The following TEX15 variants were observed in gnomAD, a reference collection of about 807,000 sequenced individuals.
The protein encoded by TEX15 is testis expressed 15, meiosis and synapsis associated.
A neutral mutation model predicts 237.3 loss-of-function variants in TEX15; 171 were observed. The observed-to-expected ratio is 0.72, with a 90% CI of 0.64 to 0.82. The LOEUF (loss-of-function observed/expected upper bound fraction) is 0.82, where lower values mean the gene tolerates loss of function less well. Among genes scored for constraint, TEX15 ranks in the 40% least tolerant of loss-of-function variants. The pLI, the probability that TEX15 is intolerant of heterozygous loss-of-function variation, is 0.00. For synonymous variants in TEX15, 1,338 were observed against 1,269.8 expected (o/e 1.05, Z -1.14); for missense variants, 3,750 against 3,646.5 (o/e 1.03, Z -0.73).
intron 3 of TEX15, 128 bp downstream of exon 3, chr8:30,887,039 G>A (rs1040835365): frequency 2.6e-6 from 2 of 782,934 alleles, no homozygotes; most frequent in African/African-American, 1.8e-5. Flanking sequence ...GTACATGTAT[G>A]TTTAAGGAAT....
chr8:30,858,698 A>AT lies in TEX15; in HGVS notation c.819dup (p.Phe274IlefsTer8). ...CTCTTAGGAAATCCTGTTGAGAGGA[A>AT]TCTCAAAGATGTCATAAGGCGTCCA... On this transcript the variant is annotated frameshift_variant, in exon 7 of 11. Transcript: ENST00000643185. LOFTEE classifies it high-confidence loss of function. 1 of 1,535,468 alleles carries AT rather than the reference A, an allele frequency of 6.5e-7. No homozygotes were observed.
At chr8:30,836,755 G>T in intron 10 of TEX15, 48 bp downstream of exon 10, 1 of 1,474,396 alleles carries the variant, frequency 6.8e-7, no homozygotes. Context: ...AATGGACACA[G>T]TTAAAAGTAA....
chr8:30,891,573 G>A (rs1180541860), intron 2 of TEX15, among the ~76,000 whole-genome samples: 6 of 151,778 alleles, frequency 4.0e-5, no homozygotes, highest in Non-Finnish European at 7.4e-5. Context: ...TCTGTCTCCT[G>A]GGTTCAAGCG....
Position 30,887,278 on chromosome 8 carries a change from G to A in TEX15, c.25C>T (p.Gln9Ter), listed in dbSNP as rs943701718. MEMKETAKQDTLWQMSSTS... is the reference protein window; with the variant it reads MEMKETAK The stretch of plus-strand genomic sequence containing the variant: ...GAGCTCATTTGCCACAGTGTATCCT[G>A]TTTAGCAGTTTCTTTCATTTCCATT... Residue 9 changes from glutamine (Q) to a stop codon, truncating the protein, a stop_gained, in exon 3 of 11, where the codon CAG becomes TAG. Coordinates refer to ENST00000643185, the MANE Select transcript of TEX15 (RefSeq NM_001350162.2). LOFTEE classifies it high-confidence loss of function. The A allele has an allele frequency of 2.0e-6, 3 of 1,532,070 alleles. No homozygotes were observed. Among genetic ancestry groups the A allele is most frequent in the Non-Finnish European group, 2.6e-6 (3 of 1,145,608 alleles). 94.9% of individuals were successfully genotyped at this position (1,532,070 alleles called of 1,614,324 possible). A position where few individuals can be genotyped will look rare whatever the true frequency, so the allele number is the denominator to read the frequency against.
At chr8:30,873,972 G>A (rs1002629424) in intron 4 of TEX15, among the ~76,000 whole-genome samples, 5 of 152,100 alleles carry the variant, frequency 3.3e-5, no homozygotes, top group African/African-American at 1.2e-4. Flanking sequence ...TGTTTGAAAG[G>A]ACAAAAATTT....
At chr8:30,871,419 A>G (rs1808289133) in intron 4 of TEX15, among the ~76,000 whole-genome samples, 1 of 152,078 alleles carries the variant, frequency 6.6e-6, no homozygotes, top group Non-Finnish European at 1.5e-5. Flanking sequence ...CACAAGAAGA[A>G]AGCTGGTAGC....
At chr8:30,890,913 A>G (rs866598666) in intron 2 of TEX15, among the ~76,000 whole-genome samples, 1 of 152,162 alleles carries the variant, frequency 6.6e-6, no homozygotes, top group African/African-American at 2.4e-5. Context: ...ATATTTTCCC[A>G]CAAAGATAGT....
intron 7 of TEX15, among the ~76,000 whole-genome samples, chr8:30,856,607 C>T (rs1308250095): frequency 6.6e-6 from 1 of 152,036 alleles, no homozygotes; most frequent in Non-Finnish European, 1.5e-5. Flanking sequence ...GATGATTGCA[C>T]ATATTTGTGA....
intron 1 of TEX15, among the ~76,000 whole-genome samples, chr8:30,904,304 G>A (rs375616764): frequency 1.6e-4 from 25 of 152,050 alleles, no homozygotes; most frequent in Non-Finnish European, 3.2e-4. Flanking sequence ...AAAACTAGCC[G>A]GGTGTGGTGG....
Position 30,847,232 on chromosome 8 carries a change from C to T in TEX15, c.2935G>A (p.Val979Ile), listed in dbSNP as rs1189419209. 1.2e-6 allele frequency: 2 copies of T among 1,613,950 alleles called. No individual in the cohort carries two copies. Among genetic ancestry groups the T allele is most frequent in the Non-Finnish European group, 1.7e-6 (2 of 1,179,850 alleles). Residue 979 changes from valine to isoleucine, a missense_variant, in exon 8 of 11, where the codon GTA becomes ATA. Val to Ile is a conservative substitution (Grantham distance 29). Coordinates refer to ENST00000643185, the MANE Select transcript of TEX15 (RefSeq NM_001350162.2). ...FPKTASSSVC[V>I]ASNAAIQIAS... ...ATCTGTATTGCAGCATTTGAGGCTA[C>T]ACACACTGAAGAACTTGCAGTTTTG...
chr8:30,836,718 T>G, intron 10 of TEX15, 85 bp downstream of exon 10: 1 of 1,215,846 alleles, frequency 8.2e-7, no homozygotes. Flanking sequence ...CTCTAACTCA[T>G]CACTTACTGT....
chr8:30,886,068 CATCT>C (rs1355219657), intron 3 of TEX15, among the ~76,000 whole-genome samples: 2 of 152,126 alleles, frequency 1.3e-5, no homozygotes, highest in Non-Finnish European at 2.9e-5. Context: ...TTGATGTTGG[CATCT>C]ATTATCTTTT....
At position 30,837,016 on chromosome 8, in the gene TEX15, T is replaced by C; in HGVS notation, c.9268A>G (p.Asn3090Asp). The C allele has an allele frequency of 1.9e-6, 3 of 1,614,102 alleles. No homozygotes were observed. Among genetic ancestry groups the C allele is most frequent in the East Asian group, 2.2e-5 (1 of 44,882 alleles). The change falls in exon 10 of 11, where the codon AAT becomes GAT. Residue 3090 changes from asparagine to aspartate, a missense_variant. Asn to Asp is a conservative substitution (Grantham distance 23). Transcript: ENST00000643185. The part of the protein sequence containing the change: ...VASTAQGTHS[N>D]LLYSQYFTYF... ...GTAAAATATTGAGAGTACAGAAGAT[T>C]AGAATGTGTGCCCTGGGCAGTACTT...
Position 30,837,758 on chromosome 8 carries a change from A to G in TEX15, c.8526T>C (p.Ile2842=), listed in dbSNP as rs185994183. 1.7e-5 allele frequency: 28 copies of G among 1,614,162 alleles called. No homozygotes were observed. The African/African-American group carries it at 3.1e-4, about 18-fold the overall frequency. Residue 2842 remains isoleucine (I), a synonymous_variant, in exon 10 of 11, where the codon ATT becomes ATC. Coordinates refer to ENST00000643185, the MANE Select transcript of TEX15 (RefSeq NM_001350162.2). ...TGCCATGTACACTTTTTTGGTCACA[A>G]ATTGCAAAAGCAGCACAATCTTTCT... ...SDKKDCAAFA[I]CDQKSVHGTF...
intron 1 of TEX15, among the ~76,000 whole-genome samples, chr8:30,902,695 G>C (rs1026342100): frequency 1.3e-5 from 2 of 152,196 alleles, no homozygotes; most frequent in African/African-American, 2.4e-5. Flanking sequence ...GTGTGTATCA[G>C]AATCACCTAG....
intron 5 of TEX15, among the ~76,000 whole-genome samples, chr8:30,866,768 T>C (rs1808178443): frequency 6.6e-6 from 1 of 151,588 alleles, no homozygotes; most frequent in South Asian, 2.1e-4. Flanking sequence ...AGTTCAAAGG[T>C]CCCATATACC....
chr8:30,901,008 C>T (rs1350631055), intron 1 of TEX15, among the ~76,000 whole-genome samples: 4 of 152,068 alleles, frequency 2.6e-5, no homozygotes, highest in South Asian at 2.1e-4. Context: ...ATTAGCCAGG[C>T]GTGCCTGTAG....
chr8:30,837,767 A>G lies in TEX15; in HGVS notation c.8517T>C (p.Ala2839=). 1.2e-6 allele frequency: 2 copies of G among 1,614,202 alleles called. No individual in the cohort carries two copies. Among genetic ancestry groups the G allele is most frequent in the South Asian group, 1.1e-5 (1 of 91,086 alleles). The change falls in exon 10 of 11, where the codon GCT becomes GCC. Residue 2839 remains alanine (A), a synonymous_variant. Transcript: ENST00000643185. ...CACTTTTTTGGTCACAAATTGCAAA[A>G]GCAGCACAATCTTTCTTATCACTTT... ...ETKSDKKDCA[A]FAICDQKSVH... is the part of the protein sequence containing the mutation.
chr8:30,903,622 T>G (rs10095588), intron 1 of TEX15, among the ~76,000 whole-genome samples: 3,314 of 152,332 alleles, frequency 0.022, 116 homozygotes, highest in African/African-American at 0.075. Flanking sequence ...ATAACTTGCA[T>G]CTTATTCCAC....
Sources: gnomAD v4.1 joint callset for allele counts (sites outside exome capture counted in the v4.1 genomes callset) on GRCh38, gnomAD v4.1.1 for gene constraint, MANE v1.5 for transcripts, NCBI Gene and HGNC (gene_info 2026-07-23, HGNC 2026-07-21) for gene names.